Variants in WDR89 observed in about 807,000 individuals in gnomAD.
WDR89 encodes the protein WD repeat-containing protein 89.
Under a neutral mutation model 29.1 loss-of-function variants are expected in WDR89, and 17 were observed. That is an observed-to-expected ratio of 0.58 (90% CI 0.40 to 0.88). WDR89 has a LOEUF of 0.88. Ranked by LOEUF, WDR89 falls within the 40% of genes least tolerant of loss-of-function variation. The probability of loss-of-function intolerance (pLI) is 0.00; values close to 1 mark genes in which losing one functional copy is unlikely to be tolerated. For missense variants in WDR89, 396 were observed against 456.3 expected (o/e 0.87, Z 1.20); for synonymous variants, 138 against 157.8 (o/e 0.87, Z 0.94).
At chr14:63,633,936 T>C (rs1202342056) in intron 1 of WDR89, among the ~76,000 whole-genome samples, 1 of 152,230 alleles carries the variant, frequency 6.6e-6, no homozygotes, top group Admixed American at 6.5e-5. Flanking sequence ...AGACTTAAGC[T>C]ATCAAACCGT....
At chr14:63,618,456 G>A (rs1416786735) in intron 2 of WDR89, among the ~76,000 whole-genome samples, 3 of 152,116 alleles carry the variant, frequency 2.0e-5, no homozygotes, top group African/African-American at 7.2e-5. Flanking sequence ...TGCCTGGCTT[G>A]TAGGCGTATT....
At chr14:63,628,388 T>A (rs989614703) in intron 1 of WDR89, among the ~76,000 whole-genome samples, 1 of 152,212 alleles carries the variant, frequency 6.6e-6, no homozygotes, top group Admixed American at 6.5e-5. Flanking sequence ...ATTCTTAGGC[T>A]GCAACATTCA....
intron 1 of WDR89, among the ~76,000 whole-genome samples, chr14:63,636,767 C>T (rs1883764291): frequency 6.6e-6 from 1 of 152,160 alleles, no homozygotes; most frequent in Non-Finnish European, 1.5e-5. Flanking sequence ...AAAATAAACT[C>T]AAGATGGATT....
chr14:63,630,388 A>T (rs1883318280), intron 1 of WDR89, among the ~76,000 whole-genome samples: 1 of 151,228 alleles, frequency 6.6e-6, no homozygotes, highest in African/African-American at 2.4e-5. Flanking sequence ...CACGCCTGTA[A>T]TCACAGCACT....
chr14:63,607,167 T>A (rs937588078), intron 2 of WDR89, among the ~76,000 whole-genome samples: 1 of 152,200 alleles, frequency 6.6e-6, no homozygotes, highest in African/African-American at 2.4e-5. Flanking sequence ...CTTTTCTCTT[T>A]AAAACTTTTT....
At chr14:63,601,494 G>C in intron 2 of WDR89, 1 of 1,322,360 alleles carries the variant, frequency 7.6e-7, no homozygotes, top group Non-Finnish European at 1.1e-6. Flanking sequence ...GTACGAGTCT[G>C]AGGTGGAGGG....
chr14:63,611,728 A>C (rs184216152), intron 2 of WDR89, among the ~76,000 whole-genome samples: 21 of 151,772 alleles, frequency 1.4e-4, no homozygotes, highest in African/African-American at 4.8e-4. Context: ...TTAAATTTTT[A>C]TTTATTTTTA....
intron 2 of WDR89, among the ~76,000 whole-genome samples, chr14:63,603,073 T>C (rs1895150503): frequency 1.3e-5 from 2 of 152,138 alleles, no homozygotes; most frequent in South Asian, 2.1e-4. Flanking sequence ...GGGTTTAAAA[T>C]AGAAATAAGC....
chr14:63,620,161 AC>A (rs1882601654), intron 2 of WDR89, among the ~76,000 whole-genome samples: 1 of 152,318 alleles, frequency 6.6e-6, no homozygotes, highest in African/African-American at 2.4e-5. Context: ...GTATAAAAAT[AC>A]AAAAATTAGC....
At chr14:63,624,396 G>A (rs914370066) in intron 2 of WDR89, among the ~76,000 whole-genome samples, 5 of 151,622 alleles carry the variant, frequency 3.3e-5, no homozygotes, top group African/African-American at 1.2e-4. Context: ...TAGCCCGGGA[G>A]GTGGAGCTTG....
intron 1 of WDR89, chr14:63,630,931 T>G (rs140338920): frequency 6.6e-6 from 1 of 152,050 alleles, no homozygotes; most frequent in African/African-American, 2.4e-5. Flanking sequence ...GATGCCACCA[T>G]GCCCCAGCTA....
chr14:63,609,734 G>A (rs76538337), intron 2 of WDR89, among the ~76,000 whole-genome samples: 8,563 of 152,094 alleles, frequency 0.056, 330 homozygotes, highest in African/African-American at 0.11. Context: ...AGGTTACAGT[G>A]AGCCAAGATC....
chr14:63,604,033 A>T (rs919117585), intron 2 of WDR89, among the ~76,000 whole-genome samples: 5 of 152,192 alleles, frequency 3.3e-5, no homozygotes, highest in African/African-American at 1.2e-4. Flanking sequence ...GTCTCAGCAT[A>T]TGTCACCTGC....
At chr14:63,619,330 C>T (rs954006974) in intron 2 of WDR89, among the ~76,000 whole-genome samples, 1 of 152,226 alleles carries the variant, frequency 6.6e-6, no homozygotes, top group Non-Finnish European at 1.5e-5. Flanking sequence ...CAAGCCCCAA[C>T]ACTCACAGTC....
At chr14:63,634,546 G>A (rs979019675) in intron 1 of WDR89, among the ~76,000 whole-genome samples, 1 of 151,418 alleles carries the variant, frequency 6.6e-6, no homozygotes, top group Non-Finnish European at 1.5e-5. Context: ...AGAAGTGAAG[G>A]GAGAAATATT....
At chr14:63,636,135 G>C (rs1475636847) in intron 1 of WDR89, among the ~76,000 whole-genome samples, 1 of 152,150 alleles carries the variant, frequency 6.6e-6, no homozygotes, top group Non-Finnish European at 1.5e-5. Flanking sequence ...CTCAAACTCG[G>C]GAGGTGGAGG....
intron 1 of WDR89, among the ~76,000 whole-genome samples, chr14:63,627,461 T>A (rs1883145688): frequency 2.0e-5 from 3 of 152,164 alleles, no homozygotes; most frequent in South Asian, 4.1e-4. Flanking sequence ...TACCTTAGGG[T>A]TCACTTTTTG....
intron 2 of WDR89, among the ~76,000 whole-genome samples, chr14:63,607,581 G>C (rs779952155): frequency 6.6e-5 from 10 of 152,074 alleles, no homozygotes; most frequent in Non-Finnish European, 4.4e-5. Flanking sequence ...TTTTACTGAA[G>C]GGCAATTAAG....
chr14:63,628,927 A>G (rs1259556899), intron 1 of WDR89, among the ~76,000 whole-genome samples: 1 of 151,354 alleles, frequency 6.6e-6, no homozygotes. Context: ...TGACAATGTG[A>G]GACCCTGTCT....
Sources: allele counts gnomAD v4.1 joint callset (sites outside exome capture counted in the v4.1 genomes callset), GRCh38; gene constraint gnomAD v4.1.1; transcripts MANE v1.5; gene names NCBI Gene and HGNC (gene_info 2026-07-23, HGNC 2026-07-21).